The following PTPRM variants were observed in gnomAD, a reference collection of about 807,000 sequenced individuals.
The protein encoded by PTPRM is protein tyrosine phosphatase receptor type M, also known as receptor-type tyrosine-protein phosphatase mu.
PTPRM carries 47 observed loss-of-function variants against 186.7 expected under a neutral mutation model. That is an observed-to-expected ratio of 0.25 (90% confidence interval 0.20 to 0.32). The LOEUF is 0.32. PTPRM is among the 10% of genes least tolerant of loss of function. PTPRM has a pLI of 1.00. For synonymous variants in PTPRM, 668 were observed against 674.9 expected (o/e 0.99, Z 0.16); for missense variants, 1,494 against 1,865.0 (o/e 0.80, Z 3.66).
At chr18:7,834,491 T>TACACACACACACACACACACACAC (rs36162599) in intron 2 of PTPRM, among the ~76,000 whole-genome samples, 1,188 of 84,528 alleles carry the variant, frequency 0.014, 30 homozygotes, top group Non-Finnish European at 0.017. Flanking sequence ...TATACAAGTA[T>TACACACACACACACACACACACAC]ACACACACAC....
At chr18:7,919,323 T>G (rs2050734664) in intron 4 of PTPRM, among the ~76,000 whole-genome samples, 1 of 152,192 alleles carries the variant, frequency 6.6e-6, no homozygotes, top group Non-Finnish European at 1.5e-5. Flanking sequence ...ATTTTCTATT[T>G]CTGTTAAGAA....
Position 8,210,243 on chromosome 18 carries a change from G to A in PTPRM, c.2301-33815G>A, listed in dbSNP as rs545781112. Among the ~76,000 whole-genome samples the A allele has an allele frequency of 5.3e-5, 8 of 152,206 alleles. No homozygotes were observed. In the East Asian group the frequency reaches 1.6e-3, roughly 29 times the overall value. On this transcript the variant is annotated intron_variant, in intron 14 of 32. Transcript: ENST00000580170. ...CGAGAATCTATTGAACCCGGGAGGC[G>A]GAGTTTGCCATGAGCAGAGATTGCA... is the stretch of plus-strand genomic sequence containing the variant.
intron 11 of PTPRM, among the ~76,000 whole-genome samples, chr18:8,089,459 A>G (rs1331074472): frequency 6.6e-6 from 1 of 152,196 alleles, no homozygotes; most frequent in Non-Finnish European, 1.5e-5. Flanking sequence ...GTGACTGAAT[A>G]AAATAAATTG....
chr18:7,999,347 T>C (rs545093423), intron 7 of PTPRM, among the ~76,000 whole-genome samples: 191 of 152,178 alleles, frequency 1.3e-3, no homozygotes, highest in African/African-American at 4.3e-3. Flanking sequence ...CCAGATGACA[T>C]GGAGTGAGAC....
At chr18:8,070,845 T>C (rs1283555316) in intron 8 of PTPRM, among the ~76,000 whole-genome samples, 1 of 152,234 alleles carries the variant, frequency 6.6e-6, no homozygotes, top group Non-Finnish European at 1.5e-5. Flanking sequence ...TGACTATTCC[T>C]AAGAAAAATA....
At chr18:7,598,971 T>G (rs1401252760) in intron 1 of PTPRM, among the ~76,000 whole-genome samples, 1 of 152,154 alleles carries the variant, frequency 6.6e-6, no homozygotes, top group Non-Finnish European at 1.5e-5. Context: ...TTATCACATT[T>G]TAGACTAAAT....
chr18:8,339,314 C>T (rs1355231641), intron 22 of PTPRM, among the ~76,000 whole-genome samples: 3 of 151,976 alleles, frequency 2.0e-5, no homozygotes, highest in African/African-American at 7.3e-5. Context: ...GTATTACTGG[C>T]CTGATATTAT....
At chr18:7,901,038 A>C (rs1265934584) in intron 3 of PTPRM, among the ~76,000 whole-genome samples, 1 of 151,998 alleles carries the variant, frequency 6.6e-6, no homozygotes, top group African/African-American at 2.4e-5. Context: ...TGGTATTCTC[A>C]TGTTACTCTT....
At chr18:7,899,342 C>A (rs758616202) in intron 3 of PTPRM, among the ~76,000 whole-genome samples, 1 of 152,176 alleles carries the variant, frequency 6.6e-6, no homozygotes, top group African/African-American at 2.4e-5. Flanking sequence ...TGTGCATGTC[C>A]GCAGATACCA....
intron 10 of PTPRM, among the ~76,000 whole-genome samples, 164 bp downstream of exon 10, chr18:8,086,036 A>G (rs1035688120): frequency 2.6e-5 from 4 of 152,158 alleles, no homozygotes; most frequent in African/African-American, 9.7e-5. Flanking sequence ...AAGTACTACA[A>G]ATATTTCTCA....
chr18:7,761,341 G>C (rs2041761203), intron 1 of PTPRM, among the ~76,000 whole-genome samples: 1 of 152,110 alleles, frequency 6.6e-6, no homozygotes. Flanking sequence ...TCATAAATTT[G>C]AAATACACAT....
rs145942007 is a variant in PTPRM at position 8,153,996 on chromosome 18, T to A, written c.2300+10217T>A. Reference sequence around the variant, plus strand: ...AGGTAGTAGCCACTGGTGACACTACTACGCATTTGCTATTCTAGAAGTACC... The same window carrying A: ...AGGTAGTAGCCACTGGTGACACTACAACGCATTTGCTATTCTAGAAGTACC... On this transcript the variant is annotated intron_variant, in intron 14 of 32. Coordinates refer to ENST00000580170, the MANE Select transcript of PTPRM (RefSeq NM_001105244.2). 1.1e-3 allele frequency among the ~76,000 whole-genome samples: 160 copies of A among 152,354 alleles called. 1 individual carries two copies. In the South Asian group the frequency reaches 0.023, roughly 22 times the overall value.
chr18:8,161,520 G>A (rs971183767), intron 14 of PTPRM, among the ~76,000 whole-genome samples: 8 of 152,020 alleles, frequency 5.3e-5, no homozygotes, highest in African/African-American at 1.9e-4. Flanking sequence ...CTGAGGGAAG[G>A]GAGAAATCTT....
At chr18:7,656,531 C>T (rs1377838558) in intron 1 of PTPRM, among the ~76,000 whole-genome samples, 1 of 152,030 alleles carries the variant, frequency 6.6e-6, no homozygotes, top group East Asian at 1.9e-4. Context: ...TGTAAATGCA[C>T]TTAAGACTGT....
intron 19 of PTPRM, among the ~76,000 whole-genome samples, chr18:8,274,829 G>C (rs1159102581): frequency 6.6e-6 from 1 of 152,122 alleles, no homozygotes; most frequent in South Asian, 2.1e-4. Flanking sequence ...CTTGTCAAGA[G>C]CTTGCATGCA....
chr18:8,077,409 C>G (rs2089884156), intron 9 of PTPRM, among the ~76,000 whole-genome samples: 2 of 152,164 alleles, frequency 1.3e-5, no homozygotes, highest in South Asian at 4.1e-4. Flanking sequence ...CCCAACTAGC[C>G]TCACATTTAT....
chr18:8,192,115 A>G (rs1026430974), intron 14 of PTPRM, among the ~76,000 whole-genome samples: 1 of 152,090 alleles, frequency 6.6e-6, no homozygotes, highest in African/African-American at 2.4e-5. Flanking sequence ...TAATGTAATT[A>G]AGAATCTAAG....
intron 11 of PTPRM, among the ~76,000 whole-genome samples, chr18:8,098,899 G>T (rs1386084708): frequency 6.6e-6 from 1 of 152,158 alleles, no homozygotes; most frequent in East Asian, 1.9e-4. Flanking sequence ...ACCCATCAGT[G>T]TCTCCCTATT....
intron 22 of PTPRM, among the ~76,000 whole-genome samples, chr18:8,340,045 C>T (rs1216450234): frequency 2.0e-5 from 3 of 152,108 alleles, no homozygotes; most frequent in Non-Finnish European, 2.9e-5. Context: ...CTGGAATCAT[C>T]AGCCACGAAT....
Sources: allele counts gnomAD v4.1 joint callset (sites outside exome capture counted in the v4.1 genomes callset), GRCh38; gene constraint gnomAD v4.1.1; transcripts MANE v1.5; gene names NCBI Gene and HGNC (gene_info 2026-07-23, HGNC 2026-07-21).